Variants in SHROOM2 observed in about 807,000 individuals in gnomAD.
SHROOM2 encodes protein Shroom2.
A neutral mutation model predicts 75.9 loss-of-function variants in SHROOM2; 33 were observed. The ratio of observed to expected loss-of-function variants is 0.43; its 90% CI spans 0.33 to 0.58. SHROOM2 has a LOEUF of 0.58. Ranked by LOEUF, SHROOM2 falls within the 20% of genes least tolerant of loss-of-function variation. The pLI is 0.04. For missense variants in SHROOM2, 1,434 were observed against 1,461.2 expected (o/e 0.98, Z 0.30); for synonymous variants, 655 against 663.6 (o/e 0.99, Z 0.20).
Position 9,944,555 on chromosome X carries a change from G to A in SHROOM2, c.4312-86G>A, listed in dbSNP as rs2084799505. 60 of 1,005,373 alleles carry A rather than the reference G, an allele frequency of 6.0e-5. 1 individual carries two copies. In the South Asian group the frequency reaches 1.1e-3, roughly 18 times the overall value. The allele number at this position is 1,005,373 out of a possible 1,213,427, so 82.9% of individuals were successfully genotyped here. A position where few individuals can be genotyped will look rare whatever the true frequency, so the allele number is the denominator to read the frequency against. ...TCAGCTGCACCTTTCACGTAGGTGC[G>A]CCAAGGTGGCAGTGAGCAGTGTGGC... On this transcript the variant is annotated intron_variant, in intron 8 of 9. Coordinates refer to ENST00000380913, the MANE Select transcript of SHROOM2 (RefSeq NM_001649.4).
intron 1 of SHROOM2, among the ~76,000 whole-genome samples, 190 bp from the exon 2 acceptor site, chrX:9,873,462 A>G (rs2084181730): frequency 9.0e-6 from 1 of 111,545 alleles, no homozygotes; most frequent in South Asian, 3.8e-4. Flanking sequence ...GATAAACAGG[A>G]GTCGTGTCCA....
chrX:9,895,148 A>G lies in SHROOM2; in HGVS notation c.1240A>G (p.Ser414Gly). 8.3e-7 allele frequency: 1 copy of G among 1,208,790 alleles called. No individual in the cohort carries two copies. The highest frequency in any genetic ancestry group is 2.2e-5 in the Admixed American group (1 of 46,145). ...CAGTAGGCTGCAGGCCTCTCTGTCC[A>G]GCTCAGATGTGCGCTTCCCTCAGTC... Reference protein sequence around the residue: ...ASSRLQASLSSSDVRFPQSPH... With the variant: ...ASSRLQASLSGSDVRFPQSPH... Residue 414 changes from serine (S) to glycine (G), a missense_variant, in exon 4 of 10, where the codon AGC becomes GGC. By Grantham distance (56) the Ser-to-Gly change is moderately conservative. Around this residue, in one of 3 missense-constraint regions of SHROOM2, gnomAD observed 1,340 missense variants for 1,338.3 expected, o/e 1.00. Coordinates refer to ENST00000380913, the MANE Select transcript of SHROOM2 (RefSeq NM_001649.4).
chrX:9,919,395 G>A (rs2084521508), intron 5 of SHROOM2, among the ~76,000 whole-genome samples: 1 of 84,345 alleles, frequency 1.2e-5, no homozygotes, highest in African/African-American at 4.7e-5. Flanking sequence ...GCAGTGGCAT[G>A]ATATCAGCTC....
At chrX:9,875,813 G>A (rs753278431) in intron 2 of SHROOM2, among the ~76,000 whole-genome samples, 3 of 112,730 alleles carry the variant, frequency 2.7e-5, no homozygotes, top group Non-Finnish European at 5.6e-5. Context: ...TTGCATTTCC[G>A]TAGTTATGGG....
intron 1 of SHROOM2, among the ~76,000 whole-genome samples, chrX:9,817,956 TTTTTATA>T (rs2083832128): frequency 1.8e-5 from 2 of 112,028 alleles, no homozygotes; most frequent in African/African-American, 6.5e-5. Flanking sequence ...CAAATCTTTA[TTTTTATA>T]ACTGTATAAA....
intron 5 of SHROOM2, among the ~76,000 whole-genome samples, chrX:9,908,388 A>T (rs964420859): frequency 8.9e-6 from 1 of 112,041 alleles, no homozygotes; most frequent in Non-Finnish European, 1.9e-5. Context: ...TGGTGATTTC[A>T]TTCTGTTCTT....
At chrX:9,801,358 T>C (rs556872115) in intron 1 of SHROOM2, among the ~76,000 whole-genome samples, 2 of 111,761 alleles carry the variant, frequency 1.8e-5, no homozygotes, top group African/African-American at 6.5e-5. Context: ...TCCAACACTT[T>C]AGCTGAGTAT....
At chrX:9,938,552 C>T (rs2084737995) in intron 7 of SHROOM2, among the ~76,000 whole-genome samples, 1 of 111,857 alleles carries the variant, frequency 8.9e-6, no homozygotes, top group Admixed American at 9.5e-5. Flanking sequence ...GACCCCATCT[C>T]TTGAAATAGA....
chrX:9,792,161 A>AAGAATAGAATAGAATAGAATAGAAT lies in SHROOM2; in HGVS notation c.165+5451_165+5452insAGAATAGAATAGAATAGAATAGAAT, dbSNP rs1491434689. Among the ~76,000 whole-genome samples the AAGAATAGAATAGAATAGAATAGAAT allele has an allele frequency of 2.0e-5, 2 of 99,803 alleles. 1 individual carries two copies. Among genetic ancestry groups the AAGAATAGAATAGAATAGAATAGAAT allele is most frequent in the Non-Finnish European group, 4.1e-5 (2 of 49,151 alleles). The allele number at this position is 99,803 out of a possible 115,157, so 86.7% of individuals were successfully genotyped here. A position where few individuals can be genotyped will look rare whatever the true frequency, so the allele number is the denominator to read the frequency against. ...GAATAGAATAGAATAGAATAGAATA[A>AAGAATAGAATAGAATAGAATAGAAT]TCACCAGTATCTGATACAGGGAGGG... On this transcript the variant is annotated intron_variant, in intron 1 of 9. Coordinates refer to ENST00000380913, the MANE Select transcript of SHROOM2 (RefSeq NM_001649.4).
At chrX:9,941,971 CAAAAA>C (rs56088322) in intron 8 of SHROOM2, among the ~76,000 whole-genome samples, 144 of 54,440 alleles carry the variant, frequency 2.6e-3, no homozygotes, top group Middle Eastern at 0.013. Context: ...GACTCCGTCT[CAAAAA>C]AAAAAAAAAA....
chrX:9,934,074 G>A (rs928067602), intron 6 of SHROOM2, among the ~76,000 whole-genome samples: 6 of 111,690 alleles, frequency 5.4e-5, no homozygotes, highest in African/African-American at 1.6e-4. Flanking sequence ...AGCATTGTCC[G>A]ACCGCAGATG....
intron 1 of SHROOM2, among the ~76,000 whole-genome samples, chrX:9,852,582 C>T (rs1025885354): frequency 4.4e-5 from 5 of 112,661 alleles, no homozygotes; most frequent in African/African-American, 1.3e-4. Context: ...ACATAGAGAC[C>T]GTCAAGACGC....
At chrX:9,802,822 C>T (rs1407191257) in intron 1 of SHROOM2, among the ~76,000 whole-genome samples, 2 of 110,853 alleles carry the variant, frequency 1.8e-5, no homozygotes, top group African/African-American at 6.6e-5. Flanking sequence ...CCATCTAAGA[C>T]AAGGTAACTT....
rs186924771 is a variant in SHROOM2 at position 9,788,685 on chromosome X, T to A, written c.165+1975T>A. On this transcript the variant is annotated intron_variant, in intron 1 of 9. Coordinates refer to ENST00000380913, the MANE Select transcript of SHROOM2 (RefSeq NM_001649.4). ...CAGTGCCATCTGCTTGGGTCTGGGATCTCCTGCAATGCCATATTGAATACC... is the reference window on the plus strand; with the variant it reads ...CAGTGCCATCTGCTTGGGTCTGGGAACTCCTGCAATGCCATATTGAATACC... Among the ~76,000 whole-genome samples the A allele has an allele frequency of 4.5e-5, 5 of 110,916 alleles. No individual in the cohort carries two copies. The East Asian group carries it at 1.1e-3, about 25-fold the overall frequency.
At chrX:9,862,125 C>T (rs886269932) in intron 1 of SHROOM2, among the ~76,000 whole-genome samples, 3 of 112,003 alleles carry the variant, frequency 2.7e-5, no homozygotes, top group African/African-American at 6.5e-5. Flanking sequence ...ATTTACATTA[C>T]GGCTCTTTGT....
chrX:9,815,437 T>TGTGTGC (rs1156892634), intron 1 of SHROOM2, among the ~76,000 whole-genome samples: 1 of 10,889 alleles, frequency 9.2e-5, no homozygotes, highest in Non-Finnish European at 1.6e-4. Context: ...ACATATTATG[T>TGTGTGC]GTGTGTGTGT....
chrX:9,839,724 G>A (rs1301203614), intron 1 of SHROOM2, among the ~76,000 whole-genome samples: 1 of 111,976 alleles, frequency 8.9e-6, no homozygotes, highest in Non-Finnish European at 1.9e-5. Flanking sequence ...CTGAGTATTA[G>A]TGCAGTGTTG....
rs762657219 is a variant in SHROOM2 at position 9,804,435 on chromosome X, A to G, written c.165+17725A>G. On this transcript the variant is annotated intron_variant, in intron 1 of 9. Coordinates refer to ENST00000380913, the MANE Select transcript of SHROOM2 (RefSeq NM_001649.4). ...CAACAATCCTTACATTCCTGGTAGC[A>G]TCTTAGTGAATCACCCTTTCGCTTA... is the stretch of plus-strand genomic sequence containing the variant. Among the ~76,000 whole-genome samples, 9 of 111,823 alleles carry G rather than the reference A, an allele frequency of 8.0e-5. No homozygotes were observed. In the South Asian group the frequency reaches 2.9e-3, roughly 36 times the overall value.
chrX:9,919,324 CTTTTTTTTTTTT>C (rs55905923), intron 5 of SHROOM2, among the ~76,000 whole-genome samples: 2 of 32,468 alleles, frequency 6.2e-5, no homozygotes, highest in East Asian at 1.1e-3. Context: ...GAGGAGGTTG[CTTTTTTTTTTTT>C]TTTTTTTTTT....
Sources: allele counts gnomAD v4.1 joint callset (sites outside exome capture counted in the v4.1 genomes callset), GRCh38; gene constraint gnomAD v4.1.1; regional missense constraint gnomAD v4.1.1; transcripts MANE v1.5; gene names NCBI Gene and HGNC (gene_info 2026-07-23, HGNC 2026-07-21).